PDZD8: variants seen among roughly 807,000 people sequenced by gnomAD.
PDZD8 encodes the protein PDZ domain-containing protein 8.
Under a neutral mutation model 85.8 loss-of-function variants are expected in PDZD8, and 14 were observed. The ratio of observed to expected loss-of-function variants is 0.16; its 90% confidence interval spans 0.11 to 0.26. The LOEUF (loss-of-function observed/expected upper bound fraction) is 0.26, where lower values mean the gene tolerates loss of function less well. Ranked by LOEUF, PDZD8 falls within the 10% of genes least tolerant of loss-of-function variation. The probability of loss-of-function intolerance (pLI) is 1.00; values close to 1 mark genes in which losing one functional copy is unlikely to be tolerated. For synonymous variants in PDZD8, 592 were observed against 568.6 expected, an observed-to-expected ratio of 1.04 and a Z score of -0.59; for missense variants, 1,197 against 1,424.3, an observed-to-expected ratio of 0.84 and a Z score of 2.57.
chr10:117,375,152 G>C lies in PDZD8; in HGVS notation c.76C>G (p.Leu26Val). The change falls in exon 1 of 5, where the codon CTG becomes GTG. Residue 26 changes from leucine to valine, a missense_variant. Coordinates refer to ENST00000334464, the MANE Select transcript of PDZD8 (RefSeq NM_173791.5). ...GGCGGCTCGGGCTGTCTGCGGTACA[G>C]CAGGAAGAACTGGGCGAGGAGCGTG... ...FLTLLAQFFL[L>V]YRRQPEPPAD... 2 of 1,588,968 alleles carry C rather than the reference G, an allele frequency of 1.3e-6. No homozygotes were observed. Among genetic ancestry groups the C allele is most frequent in the Non-Finnish European group, 1.7e-6 (2 of 1,173,992 alleles).
intron 1 of PDZD8, among the ~76,000 whole-genome samples, chr10:117,366,732 T>G (rs1845097575): frequency 6.6e-6 from 1 of 152,222 alleles, no homozygotes; most frequent in Admixed American, 6.5e-5. Context: ...TTGGTTTATC[T>G]CTGAAGAAAT....
At position 117,374,776 on chromosome 10, in the gene PDZD8, C is replaced by T; in HGVS notation, c.452G>A (p.Gly151Asp). The T allele has an allele frequency of 6.2e-7, 1 of 1,613,094 alleles. No homozygotes were observed. Among genetic ancestry groups the T allele is most frequent in the Non-Finnish European group, 8.5e-7 (1 of 1,179,884 alleles). The change falls in exon 1 of 5, where the codon GGC (glycine) becomes GAC (aspartate). Residue 151 changes from glycine to aspartate, a missense_variant. Around this residue, in one of 4 missense-constraint regions of PDZD8, gnomAD observed 344 missense variants for 453.6 expected, o/e 0.76. Coordinates refer to ENST00000334464, the MANE Select transcript of PDZD8 (RefSeq NM_173791.5). The surrounding 1 kb of genome is among the most constrained non-coding windows in gnomAD (Gnocchi z 7.8). ...EGLSLRDVFL[G>D]ETVPFIKTIR... ...GGTCTTGATGAAGGGCACCGTCTCGCCCAGGAACACGTCCCGCAGGCTCAG... is the reference window on the plus strand; with the variant it reads ...GGTCTTGATGAAGGGCACCGTCTCGTCCAGGAACACGTCCCGCAGGCTCAG...
At chr10:117,328,687 T>C (rs1384642158) in intron 2 of PDZD8, among the ~76,000 whole-genome samples, 1 of 152,188 alleles carries the variant, frequency 6.6e-6, no homozygotes, top group Non-Finnish European at 1.5e-5. Flanking sequence ...TTCCTATTGT[T>C]CTATTTCCTT....
rs1564703014 is a variant in PDZD8, at chr10:117,333,129, A to AAAAAAAAC, written c.995+7850_995+7851insGTTTTTTT. On this transcript the variant is annotated intron_variant, in intron 2 of 4. Transcript: ENST00000334464. ...GTGGACTCTGTCTCAAAAAAAAAAA[A>AAAAAAAAC]AAAAAAAAAAAAAAGGGGATATGGA... Among the ~76,000 whole-genome samples the AAAAAAAAC allele has an allele frequency of 8.7e-5, 13 of 148,872 alleles. No homozygotes were observed. The South Asian group carries it at 1.3e-3, about 14-fold the overall frequency.
At position 117,375,124 on chromosome 10, in the gene PDZD8, G is replaced by A; in HGVS notation, c.104C>T (p.Ala35Val). ...CTCGCCCGCGCGGGCGGCCTCGTCCGCCGGCGGCTCGGGCTGTCTGCGGTA... is the reference window on the plus strand; with the variant it reads ...CTCGCCCGCGCGGGCGGCCTCGTCCACCGGCGGCTCGGGCTGTCTGCGGTA... Reference protein sequence around the residue: ...LLYRRQPEPPADEAARAGEGF... With the variant: ...LLYRRQPEPPVDEAARAGEGF... The change falls in exon 1 of 5, where the codon GCG (alanine) becomes GTG (valine). Residue 35 changes from alanine to valine, a missense_variant. This residue lies in a region of PDZD8 where 172 missense variants were observed against 137.8 expected (regional missense o/e 1.25). Coordinates refer to ENST00000334464, the MANE Select transcript of PDZD8 (RefSeq NM_173791.5). 6.3e-7 allele frequency: 1 copy of A among 1,592,462 alleles called. No homozygotes were observed. Among genetic ancestry groups the A allele is most frequent in the Non-Finnish European group, 8.5e-7 (1 of 1,175,116 alleles).
intron 2 of PDZD8, among the ~76,000 whole-genome samples, chr10:117,334,845 A>G (rs1844489780): frequency 6.6e-6 from 1 of 152,178 alleles, no homozygotes; most frequent in African/African-American, 2.4e-5. Flanking sequence ...AGAGAAAAAG[A>G]ATTTAAAGAA....
At chr10:117,370,954 T>TGTGTGTGTGTGTGTGTGTG (rs1406461656) in intron 1 of PDZD8, among the ~76,000 whole-genome samples, 1 of 101,176 alleles carries the variant, frequency 9.9e-6, no homozygotes, top group Non-Finnish European at 2.0e-5. Context: ...GTGTGTGTGT[T>TGTGTGTGTGTGTGTGTGTG]TAAAGGTGGC....
intron 3 of PDZD8, among the ~76,000 whole-genome samples, chr10:117,290,877 T>C (rs1844748069): frequency 2.2e-5 from 1 of 46,508 alleles, no homozygotes; most frequent in Admixed American, 2.5e-4. Context: ...TTTTTTTTTT[T>C]TTTTTTTTTT....
chr10:117,321,847 T>C (rs1844230762), intron 2 of PDZD8, among the ~76,000 whole-genome samples: 1 of 152,178 alleles, frequency 6.6e-6, no homozygotes. Context: ...GCTCTTTATT[T>C]GATACAGATA....
At chr10:117,367,170 G>A (rs1456705416) in intron 1 of PDZD8, among the ~76,000 whole-genome samples, 1 of 152,136 alleles carries the variant, frequency 6.6e-6, no homozygotes, top group Non-Finnish European at 1.5e-5. Context: ...CAGCATTTTG[G>A]GAGGCTGAGG....
intron 3 of PDZD8, among the ~76,000 whole-genome samples, chr10:117,309,716 C>T (rs1004192533): frequency 6.6e-6 from 1 of 152,146 alleles, no homozygotes; most frequent in African/African-American, 2.4e-5. Context: ...CCATTGCTGC[C>T]AGGTTCAATA....
Position 117,300,062 on chromosome 10 carries a change from A to C in PDZD8, c.1099-9714T>G, listed in dbSNP as rs575255437. ...TATGCTAGCACAGGTTATATGAGAA[A>C]CCCCCCCCATGTCAAATCAACACCT... On this transcript the variant is annotated intron_variant, in intron 3 of 4. Coordinates refer to ENST00000334464, the MANE Select transcript of PDZD8 (RefSeq NM_173791.5). Among the ~76,000 whole-genome samples, 16 of 150,546 alleles carry C rather than the reference A, an allele frequency of 1.1e-4. No individual in the cohort carries two copies. The South Asian group carries it at 2.7e-3, about 26-fold the overall frequency.
chr10:117,309,235 G>A (rs1472071399), intron 3 of PDZD8, among the ~76,000 whole-genome samples: 1 of 151,830 alleles, frequency 6.6e-6, no homozygotes, highest in Non-Finnish European at 1.5e-5. Context: ...CCTTTAACTT[G>A]CTCTTAAAAA....
At position 117,375,354 on chromosome 10, in the gene PDZD8, C is replaced by A; in HGVS notation, c.-127G>T. The A allele has an allele frequency of 1.3e-6, 1 of 762,618 alleles. No individual in the cohort carries two copies. The highest frequency in any genetic ancestry group is 1.9e-6 in the Non-Finnish European group (1 of 537,472). 47.2% of individuals were successfully genotyped at this position (762,618 alleles called of 1,614,324 possible). A position where few individuals can be genotyped will look rare whatever the true frequency, so the allele number is the denominator to read the frequency against. On this transcript the variant is annotated 5_prime_UTR_variant, in exon 1 of 5. Transcript: ENST00000334464. ...GGGTCGGGGCGAGCGGCTCCGTGGG[C>A]CTCGTCCAGGGGCTCGGGCCGGCGC...
At chr10:117,330,059 GTT>G (rs201478514) in intron 2 of PDZD8, among the ~76,000 whole-genome samples, 3 of 114,752 alleles carry the variant, frequency 2.6e-5, no homozygotes, top group East Asian at 3.0e-4. Flanking sequence ...GGAAAAATCT[GTT>G]TTTTTTTTTT....
At position 117,279,434 on chromosome 10, in the gene PDZD8, T is replaced by G. The variant is rs1436404202; in HGVS notation, c.*3834A>C. 1 of 152,250 alleles carries G rather than the reference T, an allele frequency of 6.6e-6. No homozygotes were observed. Among genetic ancestry groups the G allele is most frequent in the African/African-American group, 2.4e-5 (1 of 41,466 alleles). The allele number at this position is 152,250 out of a possible 1,614,324, so 9.4% of individuals were successfully genotyped here. ...TTAATAAATCTTCTGAACCATGTTT[T>G]GTGCCTGTTTGTATTCCTTTATAAA... On this transcript the variant is annotated 3_prime_UTR_variant, in exon 5 of 5. Coordinates refer to ENST00000334464, the MANE Select transcript of PDZD8 (RefSeq NM_173791.5).
In PDZD8 at chr10:117,281,329, G is replaced by T. The variant is rs1844572895; in HGVS notation, c.*1939C>A. 1 of 130,368 alleles carries T rather than the reference G, an allele frequency of 7.7e-6. No individual in the cohort carries two copies. Among genetic ancestry groups the T allele is most frequent in the Non-Finnish European group, 1.5e-5 (1 of 65,180 alleles). The allele number at this position is 130,368 out of a possible 1,614,324, so 8.1% of individuals were successfully genotyped here. On this transcript the variant is annotated 3_prime_UTR_variant, in exon 5 of 5. Transcript: ENST00000334464. ...AGATCATGCCACTGCACTCCAGCCT[G>T]GGAGACAGCGAGACTCTGTCTCAAA...
intron 1 of PDZD8, among the ~76,000 whole-genome samples, chr10:117,346,047 C>A (rs1036242464): frequency 1.8e-4 from 28 of 151,982 alleles, no homozygotes; most frequent in African/African-American, 6.5e-4. Context: ...TCGAGACCAG[C>A]CTGACCAATA....
chr10:117,359,830 C>T (rs1227602842), intron 1 of PDZD8, among the ~76,000 whole-genome samples: 1 of 152,154 alleles, frequency 6.6e-6, no homozygotes, highest in Non-Finnish European at 1.5e-5. Flanking sequence ...TATTAAAAAA[C>T]TGACTTCAGG....
Sources: allele counts gnomAD v4.1 joint callset (sites outside exome capture counted in the v4.1 genomes callset), GRCh38; gene constraint gnomAD v4.1.1; regional missense constraint gnomAD v4.1.1; non-coding constraint Gnocchi (gnomAD v3.1); transcripts MANE v1.5; gene names NCBI Gene and HGNC (gene_info 2026-07-23, HGNC 2026-07-21).